Variants in MED13L observed in about 807,000 individuals in gnomAD.
The protein encoded by MED13L is mediator of RNA polymerase II transcription subunit 13-like.
A neutral mutation model predicts 220.9 loss-of-function variants in MED13L; 7 were observed. The observed-to-expected ratio is 0.03, with a 90% CI of 0.02 to 0.06. The LOEUF is 0.06. Among genes scored for constraint, MED13L ranks in the 10% least tolerant of loss-of-function variants. The probability of loss-of-function intolerance (pLI) is 1.00; values close to 1 mark genes in which losing one functional copy is unlikely to be tolerated. For missense variants in MED13L, 1,965 were observed against 2,760.5 expected, an observed-to-expected ratio of 0.71 and a Z score of 6.46; for synonymous variants, 1,011 against 1,015.2, an observed-to-expected ratio of 1.00 and a Z score of 0.08.
At chr12:115,987,317 A>C (rs1877758862) in intron 17 of MED13L, 29 bp from the exon 18 acceptor site, 2 of 1,602,532 alleles carry the variant, frequency 1.2e-6, no homozygotes, top group East Asian at 2.2e-5. Context: ...GAAACAGAGA[A>C]GATAAGGGGG....
At chr12:116,099,681 G>A (rs1286271291) in intron 3 of MED13L, among the ~76,000 whole-genome samples, 1 of 152,164 alleles carries the variant, frequency 6.6e-6, no homozygotes, top group African/African-American at 2.4e-5. Context: ...TCAAGTAAAA[G>A]TCACAAATTC....
intron 13 of MED13L, 70 bp from the exon 14 acceptor site, chr12:116,003,172 A>T: frequency 7.5e-7 from 1 of 1,340,014 alleles, no homozygotes; most frequent in Non-Finnish European, 1.1e-6. Context: ...AATATTTCCT[A>T]ATGTATGCCT....
intron 4 of MED13L, among the ~76,000 whole-genome samples, chr12:116,092,437 A>G (rs1294978354): frequency 6.6e-6 from 1 of 152,218 alleles, no homozygotes; most frequent in Non-Finnish European, 1.5e-5. Context: ...TGAGTCAGTG[A>G]TAGCTAATTA....
At chr12:116,170,065 A>T (rs1879562704) in intron 2 of MED13L, among the ~76,000 whole-genome samples, 1 of 152,168 alleles carries the variant, frequency 6.6e-6, no homozygotes, top group African/African-American at 2.4e-5. Flanking sequence ...ATATTCTGTC[A>T]CATTAAAACC....
intron 2 of MED13L, among the ~76,000 whole-genome samples, chr12:116,170,609 T>G (rs374218018): frequency 7.5e-5 from 8 of 106,874 alleles, no homozygotes; most frequent in South Asian, 2.8e-4. Context: ...TTTTTTTTTG[T>G]TTTTTTTTTT....
intron 2 of MED13L, among the ~76,000 whole-genome samples, chr12:116,196,503 C>T (rs549388101): frequency 6.6e-6 from 1 of 152,124 alleles, no homozygotes; most frequent in African/African-American, 2.4e-5. Context: ...CTTTCCAAAA[C>T]GGTGGCAATA....
At chr12:116,105,149 C>G (rs1200829969) in intron 3 of MED13L, among the ~76,000 whole-genome samples, 1 of 152,062 alleles carries the variant, frequency 6.6e-6, no homozygotes, top group Non-Finnish European at 1.5e-5. Context: ...TTTTTTTTCC[C>G]ATCGTCTATT....
chr12:116,147,657 C>T (rs1471512173), intron 2 of MED13L, among the ~76,000 whole-genome samples: 2 of 152,102 alleles, frequency 1.3e-5, no homozygotes, highest in Non-Finnish European at 2.9e-5. Context: ...GATTTCTTTC[C>T]AGGCTTTCAA....
At chr12:116,147,348 T>C (rs1877611446) in intron 2 of MED13L, among the ~76,000 whole-genome samples, 1 of 152,252 alleles carries the variant, frequency 6.6e-6, no homozygotes, top group Non-Finnish European at 1.5e-5. Flanking sequence ...GAATTTCATA[T>C]TCTTCATGGT....
chr12:116,219,246 A>T (rs1442961537), intron 2 of MED13L, among the ~76,000 whole-genome samples: 1 of 152,192 alleles, frequency 6.6e-6, no homozygotes, highest in Non-Finnish European at 1.5e-5. Context: ...AGGAAAGTGA[A>T]ATAAAGAGGA....
At chr12:116,007,079 A>G (rs754247653) in intron 11 of MED13L, 3 of 353,136 alleles carry the variant, frequency 8.5e-6, no homozygotes, top group Non-Finnish European at 1.6e-5. Context: ...TTTCCTTTAC[A>G]TTTTGGGTAG....
chr12:116,105,186 A>ATT (rs1359171810), intron 3 of MED13L, among the ~76,000 whole-genome samples: 11 of 152,216 alleles, frequency 7.2e-5, no homozygotes, highest in African/African-American at 2.7e-4. Context: ...TTCCCTAAGG[A>ATT]GTGTGAGGCA....
At position 116,270,990 on chromosome 12, in the gene MED13L, C is replaced by T. The variant is rs71469757; in HGVS notation, c.72+6070G>A. ...CCAGGAGGCGGAGGTTGCAGCGAGG[C>T]GACTTCGCACCACTGCACTCCAGCC... On this transcript the variant is annotated intron_variant, in intron 1 of 30. Transcript: ENST00000281928. Among the ~76,000 whole-genome samples the T allele has an allele frequency of 2.3e-5, 3 of 131,262 alleles. No homozygotes were observed. In the East Asian group the frequency reaches 7.9e-4, roughly 35 times the overall value. 86.1% of individuals were successfully genotyped at this position (131,262 alleles called of 152,430 possible).
chr12:116,173,834 C>T (rs1390818074), intron 2 of MED13L, among the ~76,000 whole-genome samples: 2 of 152,170 alleles, frequency 1.3e-5, no homozygotes, highest in Admixed American at 1.3e-4. Flanking sequence ...CCAGTGCAAA[C>T]ATGTATGTTA....
At chr12:116,127,852 A>G (rs1177585343) in intron 2 of MED13L, among the ~76,000 whole-genome samples, 1 of 152,180 alleles carries the variant, frequency 6.6e-6, no homozygotes, top group African/African-American at 2.4e-5. Context: ...TTCTCATGGA[A>G]TTAATAATCT....
intron 2 of MED13L, among the ~76,000 whole-genome samples, chr12:116,139,006 A>G (rs1017341403): frequency 1.5e-4 from 23 of 152,204 alleles, no homozygotes; most frequent in African/African-American, 5.1e-4. Flanking sequence ...CATAGTTGAG[A>G]CATATTCCTG....
chr12:116,108,406 T>TGGGGGGGG (rs1565881144), intron 3 of MED13L, among the ~76,000 whole-genome samples: 2 of 16,126 alleles, frequency 1.2e-4, no homozygotes, highest in African/African-American at 2.4e-4. Context: ...GGGGGGCGCG[T>TGGGGGGGG]GGGGGGTGGG....
Position 115,991,941 on chromosome 12 carries a change from C to T in MED13L, c.3013G>A (p.Gly1005Arg). The T allele has an allele frequency of 6.3e-7, 1 of 1,599,462 alleles. No individual in the cohort carries two copies. Among genetic ancestry groups the T allele is most frequent in the South Asian group, 1.1e-5 (1 of 91,028 alleles). Reference protein sequence around the residue: ...RDGYNNVPSVGSLADPDYLNT... With the variant: ...RDGYNNVPSVRSLADPDYLNT... Reference sequence around the variant, plus strand: ...AGATAGTCTGGATCTGCTAGGCTCCCAACACTAGGCACGTTACTACAAAAA... The same window carrying T: ...AGATAGTCTGGATCTGCTAGGCTCCTAACACTAGGCACGTTACTACAAAAA... Residue 1005 changes from glycine to arginine, a missense_variant, in exon 17 of 31, where the codon GGG becomes AGG. Physicochemically the swap from Gly to Arg is moderately radical, Grantham distance 125. Around this residue, in one of 10 missense-constraint regions of MED13L, gnomAD observed 233 missense variants for 306.2 expected, o/e 0.76. Coordinates refer to ENST00000281928, the MANE Select transcript of MED13L (RefSeq NM_015335.5). The surrounding 1 kb of genome is among the most constrained non-coding windows in gnomAD (Gnocchi z 7.7).
At chr12:116,203,227 G>A (rs191738554) in intron 2 of MED13L, among the ~76,000 whole-genome samples, 1 of 152,244 alleles carries the variant, frequency 6.6e-6, no homozygotes, top group African/African-American at 2.4e-5. Context: ...AGGGTTCCAT[G>A]TAAGATTCGG....
Sources: gnomAD v4.1 joint callset for allele counts (sites outside exome capture counted in the v4.1 genomes callset) on GRCh38, gnomAD v4.1.1 for gene constraint, gnomAD v4.1.1 regional missense constraint, Gnocchi (gnomAD v3.1) non-coding constraint, MANE v1.5 for transcripts, NCBI Gene and HGNC (gene_info 2026-07-23, HGNC 2026-07-21) for gene names.